Variants in ENTPD1 observed in about 807,000 individuals in gnomAD.
ENTPD1 encodes the protein ectonucleoside triphosphate diphosphohydrolase 1.
Under a neutral mutation model 57.0 loss-of-function variants are expected in ENTPD1, and 33 were observed. That is an observed-to-expected ratio of 0.58 (90% CI 0.44 to 0.77). The LOEUF (loss-of-function observed/expected upper bound fraction) is 0.77, where lower values mean the gene tolerates loss of function less well. Among genes scored for constraint, ENTPD1 ranks in the 30% least tolerant of loss-of-function variants. ENTPD1 has a pLI of 0.00. For missense variants in ENTPD1, 501 were observed against 603.4 expected (o/e 0.83, Z 1.78); for synonymous variants, 202 against 218.8 (o/e 0.92, Z 0.68).
At chr10:95,753,995 CA>C (rs983076640), upstream of ENTPD1, 10 of 148,016 alleles carry the variant, frequency 6.8e-5, no homozygotes, top group African/African-American at 2.3e-4. Context: ...GGCTCTGTCT[CA>C]AAAAAAAGAA....
intron 7 of ENTPD1, among the ~76,000 whole-genome samples, chr10:95,856,606 A>G (rs2098455166): frequency 6.6e-6 from 1 of 151,604 alleles, no homozygotes; most frequent in Non-Finnish European, 1.5e-5. Flanking sequence ...ATGCCCATCA[A>G]TCAACAAGTG....
At chr10:95,842,541 C>A in intron 4 of ENTPD1, 47 bp downstream of exon 4, 1 of 1,593,500 alleles carries the variant, frequency 6.3e-7, no homozygotes, top group Non-Finnish European at 8.6e-7. Flanking sequence ...TTAGGCTTGG[C>A]AGTGAAAGAG....
intron 1 of ENTPD1, among the ~76,000 whole-genome samples, chr10:95,772,471 T>G (rs4420188): frequency 0.055 from 8,334 of 152,294 alleles, 269 homozygotes; most frequent in South Asian, 0.088. Flanking sequence ...AAGAGTAGAT[T>G]CCATCTCAAG....
Position 95,868,001 on chromosome 10 carries a change from T to G in ENTPD1, c.*1618T>G, listed in dbSNP as rs2098476276. ...CGAATTGGGACATGTTCAAATTCTTTCTTGTGGTAGTTGCCTATACTGTCA... is the reference window on the plus strand; with the variant it reads ...CGAATTGGGACATGTTCAAATTCTTGCTTGTGGTAGTTGCCTATACTGTCA... On this transcript the variant is annotated 3_prime_UTR_variant, in exon 10 of 10. Transcript: ENST00000371205. 1.0e-6 allele frequency: 1 copy of G among 985,378 alleles called. No individual in the cohort carries two copies. Among genetic ancestry groups the G allele is most frequent in the South Asian group, 4.7e-5 (1 of 21,290 alleles). The allele number at this position is 985,378 out of a possible 1,614,324, so 61.0% of individuals were successfully genotyped here. A position where few individuals can be genotyped will look rare whatever the true frequency, so the allele number is the denominator to read the frequency against.
Position 95,873,024 on chromosome 10 carries a change from A to G in ENTPD1, c.*6641A>G, listed in dbSNP as rs895916146. 7.3e-5 allele frequency: 71 copies of G among 974,276 alleles called. No individual in the cohort carries two copies. Among genetic ancestry groups the G allele is most frequent in the Non-Finnish European group, 8.7e-5 (71 of 819,882 alleles). The allele number at this position is 974,276 out of a possible 1,614,324, so 60.4% of individuals were successfully genotyped here. A position where few individuals can be genotyped will look rare whatever the true frequency, so the allele number is the denominator to read the frequency against. ...CATCTCAAAATTTAATGTACATACA[A>G]ATTACCCAGGGATTTTGTTGAAATA... is the stretch of plus-strand genomic sequence containing the variant. On this transcript the variant is annotated 3_prime_UTR_variant, in exon 10 of 10. Coordinates refer to ENST00000371205, the MANE Select transcript of ENTPD1 (RefSeq NM_001776.6).
chr10:95,867,052 A>G lies in ENTPD1; in HGVS notation c.*669A>G. The G allele has an allele frequency of 1.0e-6, 1 of 988,922 alleles. No individual in the cohort carries two copies. Among genetic ancestry groups the G allele is most frequent in the Non-Finnish European group, 1.2e-6 (1 of 832,062 alleles). 61.3% of individuals were successfully genotyped at this position (988,922 alleles called of 1,614,324 possible). On this transcript the variant is annotated 3_prime_UTR_variant, in exon 10 of 10. Coordinates refer to ENST00000371205, the MANE Select transcript of ENTPD1 (RefSeq NM_001776.6). Reference sequence around the variant, plus strand: ...TGATACCCAAATGCTACAGAGTGGAACACTCAGACCTGAGATTTGCAAAAA... The same window carrying G: ...TGATACCCAAATGCTACAGAGTGGAGCACTCAGACCTGAGATTTGCAAAAA...
intron 1 of ENTPD1, among the ~76,000 whole-genome samples, chr10:95,713,754 G>T (rs2097968431): frequency 6.6e-6 from 1 of 152,174 alleles, no homozygotes; most frequent in Admixed American, 6.5e-5. Flanking sequence ...AGGTAGACAG[G>T]ATATCCACTG....
intron 7 of ENTPD1, among the ~76,000 whole-genome samples, chr10:95,857,088 G>C (rs1018359653): frequency 1.3e-5 from 2 of 151,948 alleles, no homozygotes; most frequent in Non-Finnish European, 2.9e-5. Flanking sequence ...CATGTTTTGA[G>C]AAATAAATAA....
At chr10:95,766,733 C>A (rs2098089832) in intron 1 of ENTPD1, among the ~76,000 whole-genome samples, 1 of 152,020 alleles carries the variant, frequency 6.6e-6, no homozygotes, top group Non-Finnish European at 1.5e-5. Context: ...TTTATTTTAT[C>A]TGCCTTTTCT....
At chr10:95,718,430 A>G (rs990699732) in intron 1 of ENTPD1, among the ~76,000 whole-genome samples, 1 of 151,088 alleles carries the variant, frequency 6.6e-6, no homozygotes, top group African/African-American at 2.4e-5. Flanking sequence ...GTTCCCTTCT[A>G]TTTCCCTTTC....
At chr10:95,765,530 A>G (rs989340808) in intron 1 of ENTPD1, among the ~76,000 whole-genome samples, 1 of 152,200 alleles carries the variant, frequency 6.6e-6, no homozygotes, top group African/African-American at 2.4e-5. Flanking sequence ...ACTCTCAGTT[A>G]TATTCCATTT....
upstream of ENTPD1, chr10:95,756,154 A>C (rs75902129): frequency 1.6e-3 from 2,558 of 1,556,112 alleles, 64 homozygotes; most frequent in East Asian, 0.047. Context: ...TTCCTTGAGG[A>C]CCTCTCTCAC....
At chr10:95,812,660 CCAAA>C (rs1276917215) in intron 1 of ENTPD1, among the ~76,000 whole-genome samples, 1 of 152,174 alleles carries the variant, frequency 6.6e-6, no homozygotes, top group Non-Finnish European at 1.5e-5. Context: ...TAAGAAACTG[CCAAA>C]CACTTTCTCA....
chr10:95,819,821 C>G (rs1427379361), intron 1 of ENTPD1, among the ~76,000 whole-genome samples: 9 of 152,192 alleles, frequency 5.9e-5, no homozygotes, highest in Admixed American at 5.9e-4. Flanking sequence ...AAAACAATGA[C>G]AACACTTTGC....
intron 1 of ENTPD1, among the ~76,000 whole-genome samples, chr10:95,819,029 C>T (rs767637540): frequency 6.6e-6 from 1 of 152,144 alleles, no homozygotes; most frequent in African/African-American, 2.4e-5. Context: ...GCCTGAAATC[C>T]ACCACATCTG....
chr10:95,744,447 C>T (rs2098003856), intron 1 of ENTPD1, among the ~76,000 whole-genome samples: 1 of 151,924 alleles, frequency 6.6e-6, no homozygotes, highest in Non-Finnish European at 1.5e-5. Context: ...ACCAGCCTGA[C>T]CAACATGGTG....
intron 1 of ENTPD1, among the ~76,000 whole-genome samples, chr10:95,817,442 C>T (rs1392320297): frequency 6.6e-6 from 1 of 152,186 alleles, no homozygotes; most frequent in Non-Finnish European, 1.5e-5. Flanking sequence ...ACTTCAACAG[C>T]CCCCAATGGT....
At chr10:95,802,648 C>T (rs1243139792) in intron 1 of ENTPD1, among the ~76,000 whole-genome samples, 5 of 152,114 alleles carry the variant, frequency 3.3e-5, no homozygotes, top group Admixed American at 6.5e-5. Context: ...TGATGTTCCC[C>T]GCCCTGTGTC....
intron 9 of ENTPD1, among the ~76,000 whole-genome samples, chr10:95,865,873 T>C (rs2098473420): frequency 6.6e-6 from 1 of 152,032 alleles, no homozygotes; most frequent in African/African-American, 2.4e-5. Context: ...GATTAAATGA[T>C]CCTCCCCACC....
Sources: gnomAD v4.1 joint callset for allele counts (sites outside exome capture counted in the v4.1 genomes callset) on GRCh38, gnomAD v4.1.1 for gene constraint, MANE v1.5 for transcripts, NCBI Gene and HGNC (gene_info 2026-07-23, HGNC 2026-07-21) for gene names.